KALRN: variants seen among roughly 807,000 people sequenced by gnomAD.
The protein encoded by KALRN is kalirin RhoGEF kinase, also known as kalirin.
A neutral mutation model predicts 353.7 loss-of-function variants in KALRN; 70 were observed. That is an observed-to-expected ratio of 0.20 (90% confidence interval 0.16 to 0.24). The LOEUF (loss-of-function observed/expected upper bound fraction) is 0.24. Ranked by LOEUF, KALRN falls within the 10% of genes least tolerant of loss-of-function variation. KALRN has a pLI of 1.00. For synonymous variants in KALRN, 1,391 were observed against 1,434.8 expected (o/e 0.97, Z 0.69); for missense variants, 2,791 against 3,756.7 (o/e 0.74, Z 6.72).
chr3:124,209,702 G>C (rs1237786110), intron 1 of KALRN, among the ~76,000 whole-genome samples: 1 of 152,074 alleles, frequency 6.6e-6, no homozygotes, highest in Non-Finnish European at 1.5e-5. Context: ...GGAATGAATA[G>C]AATCTGAAAA....
At chr3:124,112,941 A>G (rs144729292) in intron 1 of KALRN, among the ~76,000 whole-genome samples, 32 of 152,054 alleles carry the variant, frequency 2.1e-4, no homozygotes, top group African/African-American at 7.2e-4. Flanking sequence ...TCCTTTGATT[A>G]CCTCCATGCC....
Position 124,716,825 on chromosome 3 carries a change from A to C in KALRN, c.8277-422A>C, listed in dbSNP as rs565683653. On this transcript the variant is annotated intron_variant, in intron 58 of 59. Coordinates refer to ENST00000682506, the MANE Select transcript of KALRN (RefSeq NM_001388419.1). ...CATCTCTAAAATTAATCTTAAAATA[A>C]AATTAAGAAGTACTTTGCAAAACAC... is the stretch of plus-strand genomic sequence containing the variant. Among the ~76,000 whole-genome samples, 3 of 152,316 alleles carry C rather than the reference A, an allele frequency of 2.0e-5. No homozygotes were observed. The East Asian group carries it at 5.8e-4, about 29-fold the overall frequency.
intron 17 of KALRN, among the ~76,000 whole-genome samples, chr3:124,436,093 T>G (rs1343057887): frequency 6.6e-6 from 1 of 152,170 alleles, no homozygotes. Flanking sequence ...GACAAAAAAA[T>G]TCAATGAGTG....
intron 45 of KALRN, among the ~76,000 whole-genome samples, chr3:124,663,661 A>C (rs990397042): frequency 2.0e-5 from 3 of 152,192 alleles, no homozygotes; most frequent in Admixed American, 1.3e-4. Context: ...CAGCAGTCTG[A>C]AACCTAAGCT....
At position 124,395,180 on chromosome 3, in the gene KALRN, G is replaced by A. The variant is rs1414173758; in HGVS notation, c.2008G>A (p.Val670Ile). The A allele has an allele frequency of 1.2e-6, 2 of 1,613,582 alleles. No individual in the cohort carries two copies. Among genetic ancestry groups the A allele is most frequent in the Non-Finnish European group, 1.7e-6 (2 of 1,179,972 alleles). Reference sequence around the variant, plus strand: ...CCTTCAGAAGGAGATGTTGGAGGATGTCTGTGCAGATTCTGTGGATGCAGT... The same window carrying A: ...CCTTCAGAAGGAGATGTTGGAGGATATCTGTGCAGATTCTGTGGATGCAGT... ...EDLQKEMLED[V>I]CADSVDAVQE... is the part of the protein sequence containing the mutation. Residue 670 changes from valine (V) to isoleucine (I), a missense_variant, in exon 12 of 60, where the codon GTC becomes ATC. This residue lies in a region of KALRN where 452 missense variants were observed against 575.8 expected (regional missense o/e 0.78). Coordinates refer to ENST00000682506, the MANE Select transcript of KALRN (RefSeq NM_001388419.1).
intron 1 of KALRN, chr3:124,094,953 A>G (rs1435791727): frequency 6.6e-7 from 1 of 1,515,322 alleles, no homozygotes; most frequent in African/African-American, 1.4e-5. Flanking sequence ...AGAGATAAAT[A>G]CACATAGAGA....
intron 9 of KALRN, among the ~76,000 whole-genome samples, chr3:124,341,306 C>G (rs148675941): frequency 6.6e-6 from 1 of 152,172 alleles, no homozygotes; most frequent in African/African-American, 2.4e-5. Context: ...CGTTGTTATC[C>G]CTAGTGATGA....
At chr3:124,465,316 C>T (rs1263734265) in intron 25 of KALRN, among the ~76,000 whole-genome samples, 3 of 152,080 alleles carry the variant, frequency 2.0e-5, no homozygotes. Flanking sequence ...GAGGGGAGAA[C>T]ATCTTTCACT....
chr3:124,442,183 A>G (rs1016702928), intron 19 of KALRN, 124 bp downstream of exon 19: 8 of 560,942 alleles, frequency 1.4e-5, no homozygotes, highest in Non-Finnish European at 2.2e-5. Flanking sequence ...ATGAAAATGT[A>G]TGATGTGGGA....
chr3:124,077,525 A>C lies in KALRN; in HGVS notation c.73+43712A>C, dbSNP rs371655849. On this transcript the variant is annotated intron_variant, in intron 1 of 59. Coordinates refer to ENST00000682506, the MANE Select transcript of KALRN (RefSeq NM_001388419.1). ...TATGCAGGGCCACTTCCAAATCCGCATCCTTCCAGTCATTCAGGTGCATAG... is the reference window on the plus strand; with the variant it reads ...TATGCAGGGCCACTTCCAAATCCGCCTCCTTCCAGTCATTCAGGTGCATAG... 9.9e-5 allele frequency among the ~76,000 whole-genome samples: 15 copies of C among 152,158 alleles called. No homozygotes were observed. In the East Asian group the frequency reaches 2.9e-3, roughly 29 times the overall value.
At chr3:124,651,433 A>T (rs2083406219) in intron 38 of KALRN, among the ~76,000 whole-genome samples, 1 of 152,196 alleles carries the variant, frequency 6.6e-6, no homozygotes, top group Non-Finnish European at 1.5e-5. Context: ...TGTTTCTGGG[A>T]TTAGTTCCAA....
intron 58 of KALRN, among the ~76,000 whole-genome samples, chr3:124,716,421 A>C (rs2063137308): frequency 6.6e-6 from 1 of 152,184 alleles, no homozygotes; most frequent in Non-Finnish European, 1.5e-5. Flanking sequence ...CTACTTGGGA[A>C]GCTGAGACAC....
chr3:124,430,888 C>T, intron 16 of KALRN, 113 bp downstream of exon 16: 1 of 1,301,566 alleles, frequency 7.7e-7, no homozygotes, highest in Non-Finnish European at 1.0e-6. Flanking sequence ...TGTACCCCTT[C>T]TAGTAGAATG....
At chr3:124,618,582 C>G (rs937307786) in intron 34 of KALRN, among the ~76,000 whole-genome samples, 8 of 152,144 alleles carry the variant, frequency 5.3e-5, no homozygotes, top group African/African-American at 1.7e-4. Context: ...TTCATACCAT[C>G]TGAAAAGAAA....
Position 124,269,099 on chromosome 3 carries a change from G to A in KALRN, c.813G>A (p.Pro271=), listed in dbSNP as rs769558693. The A allele has an allele frequency of 4.3e-6, 7 of 1,612,662 alleles. No homozygotes were observed. In the East Asian group the frequency reaches 8.9e-5, roughly 21 times the overall value. The change falls in exon 5 of 60, where the codon CCG becomes CCA. Residue 271 remains proline (P), a synonymous_variant. Transcript: ENST00000682506. ...GCTTCTCAGGACGCAACTGCATCCCGGGCAGTGCTGACTTCCAGAGCCTGG... is the reference window on the plus strand; with the variant it reads ...GCTTCTCAGGACGCAACTGCATCCCAGGCAGTGCTGACTTCCAGAGCCTGG... ...SDGFSGRNCI[P]GSADFQSLVP...
At chr3:124,707,281 C>G (rs1192503416) in intron 57 of KALRN, among the ~76,000 whole-genome samples, 1 of 152,064 alleles carries the variant, frequency 6.6e-6, no homozygotes, top group Non-Finnish European at 1.5e-5. Flanking sequence ...AGGTCGAGAT[C>G]GCACCACTGC....
chr3:124,677,601 T>C (rs1384700330), intron 49 of KALRN: 3 of 456,688 alleles, frequency 6.6e-6, no homozygotes, highest in South Asian at 4.6e-5. Context: ...TGCCCTAAAA[T>C]ATCCAGGTAA....
At chr3:124,284,563 CTT>C (rs1355829147) in intron 5 of KALRN, among the ~76,000 whole-genome samples, 1 of 152,138 alleles carries the variant, frequency 6.6e-6, no homozygotes, top group Non-Finnish European at 1.5e-5. Flanking sequence ...GTATACGTCT[CTT>C]ATAGTATTTT....
At chr3:124,151,165 C>T (rs572040767) in intron 1 of KALRN, among the ~76,000 whole-genome samples, 4 of 152,192 alleles carry the variant, frequency 2.6e-5, no homozygotes, top group South Asian at 2.1e-4. Flanking sequence ...TATCTATTGA[C>T]GAATATATAC....
Sources: gnomAD v4.1 joint callset for allele counts (sites outside exome capture counted in the v4.1 genomes callset) on GRCh38, gnomAD v4.1.1 for gene constraint, gnomAD v4.1.1 regional missense constraint, MANE v1.5 for transcripts, NCBI Gene and HGNC (gene_info 2026-07-23, HGNC 2026-07-21) for gene names.